Variants in ZNF385D observed in about 807,000 individuals in gnomAD.
ZNF385D encodes zinc finger protein 659.
In ZNF385D, 15 loss-of-function variants were observed where a neutral mutation model predicts 35.8. The observed-to-expected ratio is 0.42, with a 90% confidence interval of 0.28 to 0.64. ZNF385D has a LOEUF of 0.64. ZNF385D is among the 30% of genes least tolerant of loss of function. The probability of loss-of-function intolerance (pLI) is 0.23; values close to 1 mark genes in which losing one functional copy is unlikely to be tolerated. For missense variants in ZNF385D, 474 were observed against 494.6 expected, an observed-to-expected ratio of 0.96 and a Z score of 0.39; for synonymous variants, 212 against 186.8, an observed-to-expected ratio of 1.13 and a Z score of -1.10.
intron 3 of ZNF385D, among the ~76,000 whole-genome samples, chr3:21,909,888 T>G (rs996989144): frequency 2.6e-5 from 4 of 152,042 alleles, no homozygotes; most frequent in Non-Finnish European, 5.9e-5. Flanking sequence ...CCTAGCTTTA[T>G]GAATAATGTA....
intron 2 of ZNF385D, among the ~76,000 whole-genome samples, chr3:21,604,720 T>C (rs2064423931): frequency 1.3e-5 from 2 of 152,034 alleles, no homozygotes. Flanking sequence ...AACTAGGTTG[T>C]AAGAGTCTGA....
At chr3:21,483,010 CA>C (rs1704747017) in intron 4 of ZNF385D, among the ~76,000 whole-genome samples, 1 of 152,012 alleles carries the variant, frequency 6.6e-6, no homozygotes, top group Non-Finnish European at 1.5e-5. Flanking sequence ...CACATTTTAC[CA>C]GCTTTAACAT....
At chr3:21,633,737 G>GA (rs1248854493) in intron 2 of ZNF385D, among the ~76,000 whole-genome samples, 2 of 151,978 alleles carry the variant, frequency 1.3e-5, no homozygotes, top group Admixed American at 6.6e-5. Flanking sequence ...TAGTAAACAG[G>GA]AAAAAGTATA....
intron 4 of ZNF385D, among the ~76,000 whole-genome samples, chr3:21,496,367 TACAC>T (rs200153090): frequency 3.4e-5 from 5 of 145,746 alleles, no homozygotes; most frequent in Admixed American, 1.4e-4. Context: ...ATATCATATA[TACAC>T]ACATATATTT....
chr3:21,670,647 G>GCCCCCCCCCCCC (rs1575432248), intron 1 of ZNF385D, among the ~76,000 whole-genome samples: 3 of 15,758 alleles, frequency 1.9e-4, no homozygotes, highest in Non-Finnish European at 3.7e-4. Flanking sequence ...GAAATCCTAA[G>GCCCCCCCCCCCC]GCGCCCCCCC....
Position 22,279,389 on chromosome 3 carries a change from T to C in ZNF385D, c.106+93061A>G, listed in dbSNP as rs536613643. Among the ~76,000 whole-genome samples the C allele has an allele frequency of 2.0e-5, 3 of 151,874 alleles. No homozygotes were observed. The Middle Eastern group carries it at 0.01, about 517-fold the overall frequency. On this transcript the variant is annotated intron_variant, in intron 2 of 5. Coordinates refer to the ZNF385D transcript ENST00000494108. ...TCTTCCACTCCTGAATTACTTCACT[T>C]AGAATGATGGTTTCCGATTCCTTCC... is the stretch of plus-strand genomic sequence containing the variant.
chr3:21,764,517 T>C (rs1185755071), intron 3 of ZNF385D, among the ~76,000 whole-genome samples: 1 of 152,198 alleles, frequency 6.6e-6, no homozygotes, highest in Non-Finnish European at 1.5e-5. Context: ...TTGCTCAGGT[T>C]TGCTGTCTAC....
At chr3:21,447,447 TTC>T (rs1305213873) in intron 4 of ZNF385D, among the ~76,000 whole-genome samples, 2 of 152,184 alleles carry the variant, frequency 1.3e-5, no homozygotes, top group South Asian at 2.1e-4. Flanking sequence ...CAGTAACAGT[TTC>T]TGTTTCATTA....
intron 2 of ZNF385D, among the ~76,000 whole-genome samples, chr3:22,189,521 T>C (rs1173990050): frequency 1.3e-5 from 2 of 152,048 alleles, no homozygotes; most frequent in African/African-American, 4.8e-5. Context: ...GAGGGGAGAT[T>C]TGAATCAGGA....
chr3:21,988,436 T>C (rs1183996975), intron 3 of ZNF385D, among the ~76,000 whole-genome samples: 39 of 132,676 alleles, frequency 2.9e-4, no homozygotes, highest in Admixed American at 8.0e-4. Context: ...CCGTGTGAGG[T>C]GTCAGTGTGC....
intron 2 of ZNF385D, among the ~76,000 whole-genome samples, chr3:22,242,585 A>C (rs1394321594): frequency 6.6e-6 from 1 of 150,986 alleles, no homozygotes; most frequent in African/African-American, 2.4e-5. Context: ...AAAATCAGCC[A>C]AGGTTATAAC....
chr3:21,791,969 G>A (rs1290856185), intron 3 of ZNF385D, among the ~76,000 whole-genome samples: 4 of 152,168 alleles, frequency 2.6e-5, no homozygotes, highest in Admixed American at 6.6e-5. Flanking sequence ...TCCTGACCTC[G>A]TGATCCACCT....
intron 3 of ZNF385D, among the ~76,000 whole-genome samples, chr3:22,118,046 A>T (rs1409800312): frequency 6.6e-6 from 1 of 152,140 alleles, no homozygotes; most frequent in Non-Finnish European, 1.5e-5. Context: ...TAACAGACGC[A>T]CAATTAAATA....
At chr3:22,119,771 G>A (rs547642005) in intron 3 of ZNF385D, among the ~76,000 whole-genome samples, 1 of 152,186 alleles carries the variant, frequency 6.6e-6, no homozygotes, top group South Asian at 2.1e-4. Context: ...CTGCTGAACT[G>A]TTTTAGGAGA....
At chr3:21,670,795 C>T (rs529708244) in intron 1 of ZNF385D, among the ~76,000 whole-genome samples, 132 of 151,034 alleles carry the variant, frequency 8.7e-4, no homozygotes, top group Non-Finnish European at 1.7e-3. Context: ...TCACTAACAG[C>T]CATTAGCCTT....
intron 1 of ZNF385D, among the ~76,000 whole-genome samples, chr3:21,668,167 G>T (rs2066462378): frequency 6.6e-6 from 1 of 152,154 alleles, no homozygotes; most frequent in African/African-American, 2.4e-5. Context: ...GCTGGTGGCT[G>T]ATGTCCCTGG....
chr3:22,203,343 G>T (rs774405106), intron 2 of ZNF385D, among the ~76,000 whole-genome samples: 1 of 152,044 alleles, frequency 6.6e-6, no homozygotes, highest in Non-Finnish European at 1.5e-5. Context: ...AGGATTTATC[G>T]CCTGCTGATT....
At chr3:21,732,049 T>TGCTC (rs2069034997) in intron 1 of ZNF385D, among the ~76,000 whole-genome samples, 1 of 81,492 alleles carries the variant, frequency 1.2e-5, no homozygotes, top group Non-Finnish European at 2.8e-5. Flanking sequence ...TTTTTTTTTT[T>TGCTC]TTTTTTTTTT....
intron 2 of ZNF385D, among the ~76,000 whole-genome samples, chr3:21,573,663 A>G (rs2063401245): frequency 1.3e-5 from 2 of 152,232 alleles, no homozygotes; most frequent in Non-Finnish European, 2.9e-5. Context: ...CAAAAACAAA[A>G]TAGAGAAGAA....
Sources: gnomAD v4.1 joint callset for allele counts (sites outside exome capture counted in the v4.1 genomes callset) on GRCh38, gnomAD v4.1.1 for gene constraint, MANE v1.5 for transcripts, NCBI Gene and HGNC (gene_info 2026-07-23, HGNC 2026-07-21) for gene names.